Variants in LMBRD1 observed in about 807,000 individuals in gnomAD.
The protein encoded by LMBRD1 is LMBR1 domain containing 1.
In LMBRD1, 64 loss-of-function variants were observed where a neutral mutation model predicts 74.8. The ratio of observed to expected loss-of-function variants is 0.86; its 90% CI spans 0.70 to 1.05. LMBRD1 has a LOEUF of 1.05. Among genes scored for constraint, LMBRD1 ranks in the 50% least tolerant of loss-of-function variants. The pLI is 0.00. For missense variants in LMBRD1, 652 were observed against 645.9 expected, an observed-to-expected ratio of 1.01 and a Z score of -0.10; for synonymous variants, 204 against 216.3, an observed-to-expected ratio of 0.94 and a Z score of 0.50.
intron 3 of LMBRD1, among the ~76,000 whole-genome samples, chr6:69,764,275 T>C (rs540656677): frequency 7.2e-5 from 11 of 152,194 alleles, no homozygotes; most frequent in African/African-American, 2.6e-4. Context: ...TGTGATGGCA[T>C]TAGTGTCCTT....
chr6:69,683,161 A>G (rs1765697462), intron 14 of LMBRD1, among the ~76,000 whole-genome samples: 1 of 152,150 alleles, frequency 6.6e-6, no homozygotes, highest in East Asian at 1.9e-4. Flanking sequence ...AACATCCAAG[A>G]AAAATGATGC....
At chr6:69,700,220 G>C (rs986889795) in intron 12 of LMBRD1, among the ~76,000 whole-genome samples, 24 of 151,606 alleles carry the variant, frequency 1.6e-4, no homozygotes, top group African/African-American at 5.6e-4. Flanking sequence ...CCCACAGCTG[G>C]AAGTAGTGTC....
intron 9 of LMBRD1, among the ~76,000 whole-genome samples, chr6:69,703,090 G>T (rs1766168973): frequency 6.6e-6 from 1 of 152,010 alleles, no homozygotes; most frequent in South Asian, 2.1e-4. Context: ...AAAAGAGAGT[G>T]ATATTGCATG....
At chr6:69,682,210 A>C (rs916761606) in intron 14 of LMBRD1, among the ~76,000 whole-genome samples, 2 of 152,008 alleles carry the variant, frequency 1.3e-5, no homozygotes, top group African/African-American at 4.8e-5. Flanking sequence ...GCATACAGTT[A>C]AATCAATGTT....
At chr6:69,751,627 C>CA (rs961643841) in intron 4 of LMBRD1, among the ~76,000 whole-genome samples, 15 of 150,554 alleles carry the variant, frequency 1.0e-4, no homozygotes, top group African/African-American at 2.7e-4. Flanking sequence ...AGCGCCTGGC[C>CA]AAAAAAAAAG....
At chr6:69,711,681 G>A (rs1388257693) in intron 9 of LMBRD1, among the ~76,000 whole-genome samples, 1 of 152,050 alleles carries the variant, frequency 6.6e-6, no homozygotes, top group Non-Finnish European at 1.5e-5. Flanking sequence ...AAAATTAACT[G>A]ATTATGGTAT....
intron 3 of LMBRD1, among the ~76,000 whole-genome samples, chr6:69,772,506 T>C (rs1338898988): frequency 6.6e-6 from 1 of 152,172 alleles, no homozygotes; most frequent in East Asian, 1.9e-4. Flanking sequence ...AAGAGATCAC[T>C]TGCTTTCTTA....
intron 3 of LMBRD1, 68 bp downstream of exon 3, chr6:69,780,426 A>G: frequency 8.7e-7 from 1 of 1,145,962 alleles, no homozygotes. Flanking sequence ...GGGGTTCTCC[A>G]CTCATCGGAG....
At chr6:69,715,790 GTGGGCCCTAGTA>G (rs1218513663) in intron 8 of LMBRD1, among the ~76,000 whole-genome samples, 10 of 152,108 alleles carry the variant, frequency 6.6e-5, no homozygotes, top group African/African-American at 2.2e-4. Context: ...CTGCCCTCCA[GTGGGCCCTAGTA>G]TGCACTGTTC....
intron 9 of LMBRD1, 84 bp from the exon 10 acceptor site, chr6:69,702,037 C>T (rs968382815): frequency 1.2e-6 from 1 of 805,622 alleles, no homozygotes; most frequent in South Asian, 1.5e-5. Flanking sequence ...ATATGAGTTG[C>T]TAGAATATGA....
At chr6:69,690,914 T>C (rs1765862044) in intron 14 of LMBRD1, among the ~76,000 whole-genome samples, 1 of 152,166 alleles carries the variant, frequency 6.6e-6, no homozygotes, top group South Asian at 2.1e-4. Context: ...AGTTGCTAAA[T>C]TTCTCTTCAA....
chr6:69,790,855 C>G (rs1450621657), intron 1 of LMBRD1, among the ~76,000 whole-genome samples: 1 of 152,194 alleles, frequency 6.6e-6, no homozygotes. Flanking sequence ...AGGCTTATTA[C>G]TGAAGCATTA....
rs1444593850 is a variant in LMBRD1, at chr6:69,674,512, A to C, written c.*1646T>G. On this transcript the variant is annotated 3_prime_UTR_variant, in exon 16 of 16. Coordinates refer to ENST00000649934, the MANE Select transcript of LMBRD1 (RefSeq NM_018368.4). Reference sequence around the variant, plus strand: ...TGTCTGCGGTGCCATTTGTCAAAAAAATGAATGCAGAAGAAGGCTTAGTTT... The same window carrying C: ...TGTCTGCGGTGCCATTTGTCAAAAACATGAATGCAGAAGAAGGCTTAGTTT... Among the ~76,000 whole-genome samples, 1 of 152,232 alleles carries C rather than the reference A, an allele frequency of 6.6e-6. No individual in the cohort carries two copies. Among genetic ancestry groups the C allele is most frequent in the Non-Finnish European group, 1.5e-5 (1 of 68,040 alleles).
intron 6 of LMBRD1, among the ~76,000 whole-genome samples, 156 bp downstream of exon 6, chr6:69,741,633 C>T (rs547298596): frequency 1.3e-5 from 2 of 152,100 alleles, no homozygotes; most frequent in African/African-American, 2.4e-5. Context: ...ATCCACCCCC[C>T]ACCCCTCGGC....
At chr6:69,785,566 T>G (rs1765927791) in intron 2 of LMBRD1, among the ~76,000 whole-genome samples, 3 of 152,212 alleles carry the variant, frequency 2.0e-5, no homozygotes, top group Admixed American at 1.3e-4. Flanking sequence ...TACAAAAACC[T>G]AGGCATCAGT....
intron 1 of LMBRD1, among the ~76,000 whole-genome samples, chr6:69,793,921 A>G (rs977983505): frequency 6.6e-6 from 1 of 151,748 alleles, no homozygotes; most frequent in African/African-American, 2.4e-5. Context: ...GGGCTTTGCC[A>G]TGCTGCCCAG....
intron 3 of LMBRD1, among the ~76,000 whole-genome samples, chr6:69,763,769 C>A (rs1026002652): frequency 6.6e-6 from 1 of 152,282 alleles, no homozygotes; most frequent in Non-Finnish European, 1.5e-5. Flanking sequence ...TAGGGTCAAA[C>A]CAAAGAAGAC....
intron 3 of LMBRD1, among the ~76,000 whole-genome samples, chr6:69,754,064 C>T (rs9346346): frequency 0.34 from 52,212 of 151,832 alleles, 9,871 homozygotes; most frequent in East Asian, 0.54. Context: ...CGATATGACT[C>T]TACTTATATG....
intron 3 of LMBRD1, among the ~76,000 whole-genome samples, chr6:69,774,651 A>G (rs916847143): frequency 3.9e-5 from 6 of 152,140 alleles, no homozygotes; most frequent in Non-Finnish European, 5.9e-5. Flanking sequence ...TAAAACACAG[A>G]CAACATAAGG....
Sources: allele counts gnomAD v4.1 joint callset (sites outside exome capture counted in the v4.1 genomes callset), GRCh38; gene constraint gnomAD v4.1.1; transcripts MANE v1.5; gene names NCBI Gene and HGNC (gene_info 2026-07-23, HGNC 2026-07-21).